Variants in STK31 observed in about 807,000 individuals in gnomAD.
STK31 encodes serine/threonine-protein kinase 31.
STK31 carries 89 observed loss-of-function variants against 129.7 expected under a neutral mutation model. The ratio of observed to expected loss-of-function variants is 0.69; its 90% CI spans 0.58 to 0.82. The LOEUF (loss-of-function observed/expected upper bound fraction) is 0.82. Ranked by LOEUF, STK31 falls within the 40% of genes least tolerant of loss-of-function variation. STK31 has a pLI of 0.00. For missense variants in STK31, 1,187 were observed against 1,176.4 expected (o/e 1.01, Z -0.13); for synonymous variants, 448 against 395.3 (o/e 1.13, Z -1.58).
At chr7:23,765,082 G>A (rs1265858820) in intron 11 of STK31, among the ~76,000 whole-genome samples, 6 of 151,618 alleles carry the variant, frequency 4.0e-5, no homozygotes, top group Non-Finnish European at 8.8e-5. Flanking sequence ...TTGAGATGGA[G>A]TCTCGCTCTG....
intron 16 of STK31, among the ~76,000 whole-genome samples, chr7:23,782,543 G>C (rs1434931946): frequency 2.0e-5 from 3 of 151,390 alleles, no homozygotes; most frequent in Non-Finnish European, 2.9e-5. Context: ...ATAGGTAAGT[G>C]TCATGCTTTC....
chr7:23,829,286 G>A lies in STK31; in HGVS notation c.2830-2850G>A, dbSNP rs577818531. Among the ~76,000 whole-genome samples, 26 of 152,164 alleles carry A rather than the reference G, an allele frequency of 1.7e-4. 2 individuals carry two copies. The highest frequency in any genetic ancestry group is 6.0e-4 in the African/African-American group (25 of 41,510). On this transcript the variant is annotated intron_variant, in intron 23 of 23. Coordinates refer to ENST00000355870, the MANE Select transcript of STK31 (RefSeq NM_031414.5). ...TGTTACAGATAGGCTTTATTTTGTT[G>A]AGGTGTGTTACTTATATACCTAGTT...
In STK31 at chr7:23,769,704, T is replaced by C. The variant is rs765911805; in HGVS notation, c.1661T>C (p.Ile554Thr). 2.5e-6 allele frequency: 4 copies of C among 1,610,848 alleles called. No individual in the cohort carries two copies. In the African/African-American group the frequency reaches 5.3e-5, roughly 22 times the overall value. ...SEDAMDNIDE[I>T]LEKTESSVCK... ...GACGCAATGGATAATATTGATGAAA[T>C]CCTAGAGAAGACTGAGTCAAGTGTC... Residue 554 changes from isoleucine to threonine, a missense_variant, in exon 13 of 24, where the codon ATC becomes ACC. Around this residue, in one of 5 missense-constraint regions of STK31, gnomAD observed 975 missense variants for 934.9 expected, o/e 1.04. Transcript: ENST00000355870.
chr7:23,710,503 A>C lies in STK31; in HGVS notation c.50+168A>C, dbSNP rs536861453. 2.7e-6 allele frequency: 4 copies of C among 1,486,612 alleles called. No homozygotes were observed. In the African/African-American group the frequency reaches 4.2e-5, roughly 16 times the overall value. The allele number at this position is 1,486,612 out of a possible 1,614,324, so 92.1% of individuals were successfully genotyped here. On this transcript the variant is annotated intron_variant, in intron 1 of 23. Coordinates refer to ENST00000355870, the MANE Select transcript of STK31 (RefSeq NM_031414.5). ...GGGGTGCCAGATGCCCCAGTTTTTG[A>C]GTGCATGCAGGCAGGCGAAAGTGGC...
chr7:23,721,447 A>ATAT, intron 4 of STK31: 1 of 1,070,960 alleles, frequency 9.3e-7, no homozygotes, highest in Non-Finnish European at 1.4e-6. Context: ...CTTCTTTGTT[A>ATAT]TCTTCCATTT....
At chr7:23,767,032 C>T (rs754025712) in intron 11 of STK31, among the ~76,000 whole-genome samples, 1 of 152,030 alleles carries the variant, frequency 6.6e-6, no homozygotes, top group African/African-American at 2.4e-5. Context: ...TTTTGTATGT[C>T]AAAGATTATT....
intron 13 of STK31, among the ~76,000 whole-genome samples, chr7:23,770,568 A>G (rs1198387684): frequency 6.6e-6 from 1 of 152,138 alleles, no homozygotes; most frequent in African/African-American, 2.4e-5. Flanking sequence ...TATTCTACAC[A>G]GCTTTGGGAA....
At chr7:23,722,751 G>C (rs932187045) in intron 4 of STK31, 1 of 152,910 alleles carries the variant, frequency 6.5e-6, no homozygotes, top group East Asian at 1.9e-4. Context: ...CAAGCTTCCC[G>C]GTGGCTTTGT....
intron 22 of STK31, among the ~76,000 whole-genome samples, chr7:23,801,043 T>A (rs1792336433): frequency 1.3e-5 from 2 of 152,184 alleles, no homozygotes; most frequent in African/African-American, 4.8e-5. Flanking sequence ...TATGTGAACG[T>A]AAGTTTTTGT....
At chr7:23,724,263 T>G (rs1176604176) in intron 4 of STK31, among the ~76,000 whole-genome samples, 1 of 152,198 alleles carries the variant, frequency 6.6e-6, no homozygotes, top group Non-Finnish European at 1.5e-5. Context: ...TATCAGTTAA[T>G]TGGGCTCCTT....
chr7:23,722,597 A>G (rs1265777298), intron 4 of STK31: 1 of 152,326 alleles, frequency 6.6e-6, no homozygotes, highest in African/African-American at 2.4e-5. Flanking sequence ...TGGGAGAACC[A>G]CTACTCTCTT....
In STK31 at chr7:23,830,098, C is replaced by T. The variant is rs141364769; in HGVS notation, c.2830-2038C>T. Among the ~76,000 whole-genome samples the T allele has an allele frequency of 9.1e-3, 1,382 of 152,096 alleles. 15 individuals are homozygous for T. Among genetic ancestry groups the T allele is most frequent in the South Asian group, 0.02 (98 of 4,814 alleles). On this transcript the variant is annotated intron_variant, in intron 23 of 23. Transcript: ENST00000355870. Reference sequence around the variant, plus strand: ...CCACGTAGCTGGGACTACAGGCGCCCGCCACAACGCCTAGCTAATTTTATG... The same window carrying T: ...CCACGTAGCTGGGACTACAGGCGCCTGCCACAACGCCTAGCTAATTTTATG...
intron 23 of STK31, among the ~76,000 whole-genome samples, chr7:23,819,954 C>G (rs985974674): frequency 7.2e-5 from 11 of 152,094 alleles, no homozygotes; most frequent in Admixed American, 1.3e-4. Flanking sequence ...AAATAGTTGA[C>G]TAGATGAAGA....
intron 8 of STK31, among the ~76,000 whole-genome samples, chr7:23,740,207 G>C (rs751263455): frequency 9.2e-5 from 14 of 152,130 alleles, no homozygotes; most frequent in Non-Finnish European, 1.9e-4. Flanking sequence ...CTCCAGAGTT[G>C]CTGGGACTAC....
chr7:23,750,320 G>C (rs1584380915), intron 8 of STK31, among the ~76,000 whole-genome samples: 1 of 152,082 alleles, frequency 6.6e-6, no homozygotes, highest in South Asian at 2.1e-4. Flanking sequence ...AGTATGTTGT[G>C]ATTCTCTGTA....
intron 8 of STK31, among the ~76,000 whole-genome samples, chr7:23,747,601 C>T (rs905195870): frequency 1.3e-5 from 2 of 152,128 alleles, no homozygotes; most frequent in Non-Finnish European, 2.9e-5. Flanking sequence ...ATCTCCTGAC[C>T]TCGTGATCCA....
chr7:23,814,836 AT>A (rs1305396425), intron 22 of STK31, among the ~76,000 whole-genome samples: 1 of 152,068 alleles, frequency 6.6e-6, no homozygotes, highest in African/African-American at 2.4e-5. Context: ...TTTGTACCTA[AT>A]TTTTGAGTAT....
At position 23,813,078 on chromosome 7, in the gene STK31, C is replaced by CTTTTTT. The variant is rs70956924; in HGVS notation, c.2761-2051_2761-2046dup. The stretch of plus-strand genomic sequence containing the variant: ...TCACAGGTCCTTGAGGCTCTCTGTT[C>CTTTTTT]TTTTTTTTTTTTTTTTTTTTGTCTG... On this transcript the variant is annotated intron_variant, in intron 22 of 23. Coordinates refer to ENST00000355870, the MANE Select transcript of STK31 (RefSeq NM_031414.5). Among the ~76,000 whole-genome samples the CTTTTTT allele has an allele frequency of 9.2e-3, 860 of 93,694 alleles. 3 individuals are homozygous for CTTTTTT. Among genetic ancestry groups the CTTTTTT allele is most frequent in the Non-Finnish European group, 0.011 (536 of 49,810 alleles). The allele number at this position is 93,694 out of a possible 152,430, so 61.5% of individuals were successfully genotyped here. A position where few individuals can be genotyped will look rare whatever the true frequency, so the allele number is the denominator to read the frequency against.
chr7:23,712,918 C>T lies in STK31; in HGVS notation c.150+632C>T, dbSNP rs529752659. Among the ~76,000 whole-genome samples the T allele has an allele frequency of 7.9e-5, 12 of 152,210 alleles. No homozygotes were observed. The East Asian group carries it at 9.7e-4, about 12-fold the overall frequency. ...CATGATACGGAAGGGAAAGAAATTA[C>T]GTTTCTCTATACTCCCTACAGCATG... On this transcript the variant is annotated intron_variant, in intron 3 of 23. Coordinates refer to ENST00000355870, the MANE Select transcript of STK31 (RefSeq NM_031414.5).
Sources: allele counts gnomAD v4.1 joint callset (sites outside exome capture counted in the v4.1 genomes callset), GRCh38; gene constraint gnomAD v4.1.1; regional missense constraint gnomAD v4.1.1; transcripts MANE v1.5; gene names NCBI Gene and HGNC (gene_info 2026-07-23, HGNC 2026-07-21).